RALGAPA2: variants seen among roughly 807,000 people sequenced by gnomAD.
RALGAPA2 encodes ral GTPase-activating protein subunit alpha-2.
In RALGAPA2, 139 loss-of-function variants were observed where a neutral mutation model predicts 230.4. That is an observed-to-expected ratio of 0.60 (90% CI 0.53 to 0.69). The LOEUF (loss-of-function observed/expected upper bound fraction) is 0.69. RALGAPA2 is among the 30% of genes least tolerant of loss of function. The probability of loss-of-function intolerance (pLI) is 0.00; values close to 1 mark genes in which losing one functional copy is unlikely to be tolerated. For synonymous variants in RALGAPA2, 847 were observed against 837.8 expected (o/e 1.01, Z -0.19); for missense variants, 2,163 against 2,276.0 (o/e 0.95, Z 1.01).
At chr20:20,635,915 TAATAGTA>T (rs1431606222) in intron 8 of RALGAPA2, among the ~76,000 whole-genome samples, 1 of 152,244 alleles carries the variant, frequency 6.6e-6, no homozygotes, top group African/African-American at 2.4e-5. Context: ...CATGAGACTA[TAATAGTA>T]AACATCTTTT....
chr20:20,603,433 C>T (rs2065722865), intron 15 of RALGAPA2, among the ~76,000 whole-genome samples: 1 of 152,190 alleles, frequency 6.6e-6, no homozygotes, highest in African/African-American at 2.4e-5. Flanking sequence ...CCTGTATCCA[C>T]ATCCTCTGTT....
intron 19 of RALGAPA2, among the ~76,000 whole-genome samples, chr20:20,584,304 G>A (rs1216037677): frequency 6.6e-6 from 1 of 152,084 alleles, no homozygotes; most frequent in Non-Finnish European, 1.5e-5. Flanking sequence ...GAACTTTCTG[G>A]GGAAGATAAT....
chr20:20,648,402 G>T lies in RALGAPA2; in HGVS notation c.329-4853C>A, dbSNP rs114042868. On this transcript the variant is annotated intron_variant, in intron 4 of 39. Transcript: ENST00000202677. ...CAAGGGGGACGAGGAAACTTTCGGG[G>T]GTAGTACCTATGTTCATTATCTTGA... 6.9e-3 allele frequency among the ~76,000 whole-genome samples: 1,053 copies of T among 151,636 alleles called. 8 individuals carry two copies. The highest frequency in any genetic ancestry group is 0.024 in the African/African-American group (995 of 41,284).
intron 31 of RALGAPA2, among the ~76,000 whole-genome samples, chr20:20,519,832 C>T (rs1410939249): frequency 6.6e-6 from 1 of 152,130 alleles, no homozygotes; most frequent in Admixed American, 6.6e-5. Flanking sequence ...GAAGTCCATA[C>T]AATTTTCATG....
chr20:20,546,255 A>G (rs991717160), intron 24 of RALGAPA2, among the ~76,000 whole-genome samples: 2 of 152,220 alleles, frequency 1.3e-5, no homozygotes, highest in African/African-American at 4.8e-5. Flanking sequence ...ATTTACTTCT[A>G]GTTAAGACTT....
chr20:20,616,012 T>C, intron 13 of RALGAPA2, 31 bp downstream of exon 13: 7 of 1,391,546 alleles, frequency 5.0e-6, no homozygotes, highest in South Asian at 3.0e-5. Flanking sequence ...ACATCTGTTT[T>C]ACAATACTAA....
intron 9 of RALGAPA2, among the ~76,000 whole-genome samples, chr20:20,630,940 C>G (rs942418557): frequency 1.3e-5 from 2 of 152,174 alleles, no homozygotes; most frequent in African/African-American, 4.8e-5. Flanking sequence ...AAAATATGCA[C>G]ATAGATAGCA....
intron 23 of RALGAPA2, among the ~76,000 whole-genome samples, chr20:20,561,131 T>G (rs772845930): frequency 2.0e-5 from 3 of 152,232 alleles, no homozygotes; most frequent in African/African-American, 7.2e-5. Flanking sequence ...CTTTAGAGCT[T>G]GAAAGGCTTA....
intron 10 of RALGAPA2, among the ~76,000 whole-genome samples, chr20:20,628,405 A>G (rs1392016012): frequency 2.0e-5 from 3 of 152,192 alleles, no homozygotes; most frequent in African/African-American, 4.8e-5. Flanking sequence ...CACCTCATAT[A>G]CACATACCCA....
At chr20:20,579,179 A>T (rs2064909874) in intron 20 of RALGAPA2, among the ~76,000 whole-genome samples, 1 of 152,326 alleles carries the variant, frequency 6.6e-6, no homozygotes, top group East Asian at 1.9e-4. Context: ...TAAATAAAAG[A>T]GATTTTGAAA....
chr20:20,558,583 G>A (rs183093100), intron 23 of RALGAPA2, among the ~76,000 whole-genome samples: 31 of 152,128 alleles, frequency 2.0e-4, no homozygotes, highest in Admixed American at 7.9e-4. Flanking sequence ...CATCTTCTTC[G>A]GAAATTACTG....
chr20:20,492,453 T>C (rs2062084839), intron 36 of RALGAPA2, among the ~76,000 whole-genome samples: 1 of 152,200 alleles, frequency 6.6e-6, no homozygotes, highest in African/African-American at 2.4e-5. Context: ...ATACGGATTT[T>C]GGTGGAGATC....
At chr20:20,568,212 T>A (rs1484904960) in intron 23 of RALGAPA2, among the ~76,000 whole-genome samples, 1 of 152,178 alleles carries the variant, frequency 6.6e-6, no homozygotes, top group East Asian at 1.9e-4. Context: ...ACATCAATTT[T>A]TAAAAAAAAT....
chr20:20,436,378 C>T (rs577162733), intron 37 of RALGAPA2, among the ~76,000 whole-genome samples: 1 of 152,226 alleles, frequency 6.6e-6, no homozygotes, highest in Non-Finnish European at 1.5e-5. Flanking sequence ...AATACCATCC[C>T]TACCAGATAA....
At chr20:20,609,336 T>C (rs1261852438) in intron 14 of RALGAPA2, among the ~76,000 whole-genome samples, 1 of 152,182 alleles carries the variant, frequency 6.6e-6, no homozygotes, top group African/African-American at 2.4e-5. Context: ...CTTCTCGATC[T>C]ACCTAACCAC....
intron 33 of RALGAPA2, among the ~76,000 whole-genome samples, chr20:20,510,067 G>A (rs375688872): frequency 1.3e-5 from 2 of 152,044 alleles, no homozygotes; most frequent in African/African-American, 2.4e-5. Flanking sequence ...TTTGGGTTTC[G>A]ATCAAAACTC....
chr20:20,435,115 A>G (rs1357557629), intron 37 of RALGAPA2, among the ~76,000 whole-genome samples: 1 of 152,206 alleles, frequency 6.6e-6, no homozygotes, highest in Non-Finnish European at 1.5e-5. Context: ...CCAATGCTTG[A>G]GGTGCAAGGT....
At chr20:20,475,012 A>G (rs980210134) in intron 36 of RALGAPA2, among the ~76,000 whole-genome samples, 6 of 152,280 alleles carry the variant, frequency 3.9e-5, no homozygotes, top group African/African-American at 1.4e-4. Flanking sequence ...CTGGAGATGG[A>G]GCAAGAAAAC....
At chr20:20,428,926 AG>A (rs1337243210) in intron 37 of RALGAPA2, among the ~76,000 whole-genome samples, 1 of 152,124 alleles carries the variant, frequency 6.6e-6, no homozygotes, top group Non-Finnish European at 1.5e-5. Flanking sequence ...TGTTGTACTG[AG>A]TATTATAGTA....
Sources: allele counts gnomAD v4.1 joint callset (sites outside exome capture counted in the v4.1 genomes callset), GRCh38; gene constraint gnomAD v4.1.1; transcripts MANE v1.5; gene names NCBI Gene and HGNC (gene_info 2026-07-23, HGNC 2026-07-21).